Variants in CCDC102B observed in about 807,000 individuals in gnomAD.
The protein encoded by CCDC102B is coiled-coil domain-containing protein 102B.
In CCDC102B, 75 loss-of-function variants were observed where a neutral mutation model predicts 57.4. The ratio of observed to expected loss-of-function variants is 1.31; its 90% CI spans 1.08 to 1.58. CCDC102B has a LOEUF of 1.58. Ranked by LOEUF, CCDC102B falls within the 40% of genes most tolerant of loss-of-function variation. The pLI, the probability that CCDC102B is intolerant of heterozygous loss-of-function variation, is 0.00. For missense variants in CCDC102B, 636 were observed against 582.6 expected (o/e 1.09, Z -0.94); for synonymous variants, 206 against 201.9 (o/e 1.02, Z -0.17).
intron 6 of CCDC102B, among the ~76,000 whole-genome samples, chr18:68,967,663 G>A (rs1329591589): frequency 6.6e-6 from 1 of 152,008 alleles, no homozygotes; most frequent in Non-Finnish European, 1.5e-5. Flanking sequence ...AAAGATGTAT[G>A]ATTTCTGGTT....
At chr18:68,784,841 T>G (rs1190518006) in intron 2 of CCDC102B, among the ~76,000 whole-genome samples, 1 of 152,140 alleles carries the variant, frequency 6.6e-6, no homozygotes, top group Non-Finnish European at 1.5e-5. Flanking sequence ...TAACTTTTTT[T>G]TTTTATTAAA....
chr18:68,926,080 A>G (rs77894060), intron 6 of CCDC102B, among the ~76,000 whole-genome samples: 2 of 152,118 alleles, frequency 1.3e-5, no homozygotes, highest in East Asian at 3.9e-4. Context: ...GGAAGCCAAG[A>G]TGGATAGATA....
chr18:68,721,482 C>A (rs1437956749), intron 2 of CCDC102B: 1 of 152,132 alleles, frequency 6.6e-6, no homozygotes, highest in Non-Finnish European at 1.5e-5. Context: ...ATGCACTCTT[C>A]TGAATCTGGC....
intron 6 of CCDC102B, among the ~76,000 whole-genome samples, chr18:68,961,043 C>A (rs542276982): frequency 6.6e-6 from 1 of 152,176 alleles, no homozygotes; most frequent in Admixed American, 6.5e-5. Flanking sequence ...GTAATTAACT[C>A]CTTCTTCCAT....
intron 6 of CCDC102B, among the ~76,000 whole-genome samples, chr18:68,949,543 A>C (rs1314456689): frequency 6.6e-6 from 1 of 152,110 alleles, no homozygotes; most frequent in African/African-American, 2.4e-5. Context: ...ACCATCCCTC[A>C]GGTGAATATT....
chr18:68,727,148 T>C (rs1321169031), intron 2 of CCDC102B, among the ~76,000 whole-genome samples: 1 of 152,216 alleles, frequency 6.6e-6, no homozygotes, highest in Non-Finnish European at 1.5e-5. Flanking sequence ...GCCTTGGAAC[T>C]GCAGAGCCTG....
chr18:68,820,479 C>T (rs2036650018), intron 1 of CCDC102B, among the ~76,000 whole-genome samples: 2 of 152,162 alleles, frequency 1.3e-5, no homozygotes, highest in Admixed American at 1.3e-4. Flanking sequence ...TTTATGTCAG[C>T]TTGAGAGATT....
intron 2 of CCDC102B, among the ~76,000 whole-genome samples, chr18:68,728,978 TA>T (rs545299950): frequency 1.2e-4 from 18 of 151,292 alleles, no homozygotes; most frequent in South Asian, 2.1e-4. Context: ...GGAGTAAATT[TA>T]AAAAAAAAGT....
At chr18:68,787,261 T>C (rs2035248801) in intron 2 of CCDC102B, among the ~76,000 whole-genome samples, 1 of 151,390 alleles carries the variant, frequency 6.6e-6, no homozygotes, top group South Asian at 2.1e-4. Flanking sequence ...TGCATCAATG[T>C]TCATCAAGGA....
At chr18:69,043,290 C>T (rs144247857) in intron 7 of CCDC102B, among the ~76,000 whole-genome samples, 4 of 152,094 alleles carry the variant, frequency 2.6e-5, no homozygotes, top group Non-Finnish European at 4.4e-5. Flanking sequence ...GGGTTTTATA[C>T]GGAGACATTC....
chr18:68,733,504 A>ATT (rs1459702429), intron 2 of CCDC102B, among the ~76,000 whole-genome samples: 5 of 82,954 alleles, frequency 6.0e-5, no homozygotes, highest in African/African-American at 2.9e-4. Context: ...ATATATATAT[A>ATT]TATTTTTTTA....
chr18:68,901,530 A>C (rs2040454085), intron 6 of CCDC102B, among the ~76,000 whole-genome samples: 1 of 152,092 alleles, frequency 6.6e-6, no homozygotes, highest in Non-Finnish European at 1.5e-5. Flanking sequence ...AGAGTGACAA[A>C]AGAAAACAGC....
At chr18:68,898,867 G>A (rs1345424862) in intron 6 of CCDC102B, among the ~76,000 whole-genome samples, 1 of 152,080 alleles carries the variant, frequency 6.6e-6, no homozygotes, top group South Asian at 2.1e-4. Context: ...CTTTCTAGTT[G>A]TATCAAAATG....
At chr18:68,823,437 C>T (rs1389701505) in intron 1 of CCDC102B, 1 of 152,190 alleles carries the variant, frequency 6.6e-6, no homozygotes, top group Non-Finnish European at 1.5e-5. Context: ...TACCACATTT[C>T]TTTATCCAAT....
At chr18:68,856,079 G>A (rs78606780) in intron 4 of CCDC102B, among the ~76,000 whole-genome samples, 17,573 of 151,994 alleles carry the variant, frequency 0.12, 1,206 homozygotes, top group Admixed American at 0.16. Context: ...ACCATAGTTG[G>A]CGCTATTTCT....
intron 4 of CCDC102B, among the ~76,000 whole-genome samples, chr18:68,871,213 C>T (rs1316468713): frequency 6.6e-6 from 1 of 152,088 alleles, no homozygotes; most frequent in Non-Finnish European, 1.5e-5. Context: ...AGAGAATATA[C>T]TAAATAAATA....
chr18:68,991,123 C>CT (rs11368924), intron 6 of CCDC102B, among the ~76,000 whole-genome samples: 13,276 of 136,186 alleles, frequency 0.097, 1,447 homozygotes, highest in African/African-American at 0.25. Flanking sequence ...GGCCCTTCTG[C>CT]TTTTTTTTTT....
At chr18:68,906,054 A>G (rs1185854125) in intron 6 of CCDC102B, among the ~76,000 whole-genome samples, 2 of 151,690 alleles carry the variant, frequency 1.3e-5, no homozygotes, top group Non-Finnish European at 1.5e-5. Flanking sequence ...CGGCCTCCCA[A>G]AGTGCTGGGA....
chr18:69,050,084 T>C (rs896310309), intron 7 of CCDC102B, among the ~76,000 whole-genome samples: 1 of 152,092 alleles, frequency 6.6e-6, no homozygotes, highest in Non-Finnish European at 1.5e-5. Context: ...GTTGGTATTA[T>C]AGGCATGAGC....
Sources: allele counts gnomAD v4.1 joint callset (sites outside exome capture counted in the v4.1 genomes callset), GRCh38; gene constraint gnomAD v4.1.1; transcripts MANE v1.5; gene names NCBI Gene and HGNC (gene_info 2026-07-23, HGNC 2026-07-21).